CDR2: variants seen among roughly 807,000 people sequenced by gnomAD.
The protein encoded by CDR2 is cerebellar degeneration related protein 2, also known as cerebellar degeneration-related protein 2.
Under a neutral mutation model 48.4 loss-of-function variants are expected in CDR2, and 34 were observed. The ratio of observed to expected loss-of-function variants is 0.70; its 90% CI spans 0.53 to 0.94. The LOEUF is 0.94. Ranked by LOEUF, CDR2 falls within the 40% of genes least tolerant of loss-of-function variation. The pLI is 0.00. For missense variants in CDR2, 498 were observed against 549.5 expected, an observed-to-expected ratio of 0.91 and a Z score of 0.94; for synonymous variants, 240 against 219.7, an observed-to-expected ratio of 1.09 and a Z score of -0.82.
At chr16:22,359,216 C>G (rs1406659006) in intron 2 of CDR2, among the ~76,000 whole-genome samples, 1 of 152,148 alleles carries the variant, frequency 6.6e-6, no homozygotes, top group East Asian at 1.9e-4. Flanking sequence ...CAACCTCCAC[C>G]TCCCGGGTTC....
intron 1 of CDR2, among the ~76,000 whole-genome samples, chr16:22,365,895 G>A (rs2049042256): frequency 1.3e-5 from 2 of 152,172 alleles, no homozygotes; most frequent in African/African-American, 2.4e-5. Context: ...CTCAGGCCCA[G>A]TTCTATCATT....
intron 1 of CDR2, among the ~76,000 whole-genome samples, chr16:22,369,998 G>C (rs191127420): frequency 6.6e-6 from 1 of 152,234 alleles, no homozygotes; most frequent in East Asian, 1.9e-4. Flanking sequence ...TTTATTGCAG[G>C]CTTGAGAATT....
chr16:22,347,238 C>T lies in CDR2; in HGVS notation c.1092G>A (p.Leu364=), dbSNP rs568513826. The T allele has an allele frequency of 6.8e-6, 11 of 1,614,232 alleles. No individual in the cohort carries two copies. In the African/African-American group the frequency reaches 8.0e-5, roughly 12 times the overall value. ...AGTCCTGTTCCTCTTGGCACTTCTTCAGCAACTCTTCATACTTCACCTTCA... is the reference window on the plus strand; with the variant it reads ...AGTCCTGTTCCTCTTGGCACTTCTTTAGCAACTCTTCATACTTCACCTTCA... ...SALKVKYEEL[L]KKCQEEQDSL... Residue 364 remains leucine, a synonymous_variant, in exon 5 of 5, where the codon CTG becomes CTA. Transcript: ENST00000268383.
intron 3 of CDR2, 50 bp from the exon 4 acceptor site, chr16:22,349,493 G>A: frequency 6.2e-7 from 1 of 1,603,702 alleles, no homozygotes; most frequent in Non-Finnish European, 8.5e-7. Flanking sequence ...TGAATCAAGG[G>A]CAAAAGCGGT....
intron 2 of CDR2, among the ~76,000 whole-genome samples, chr16:22,360,217 T>A (rs1339825644): frequency 6.6e-6 from 1 of 152,128 alleles, no homozygotes; most frequent in African/African-American, 2.4e-5. Flanking sequence ...AAGAGTTCTC[T>A]CCTCCCCTCC....
chr16:22,371,737 G>A lies in CDR2; in HGVS notation c.79+2494C>T, dbSNP rs373769676. Among the ~76,000 whole-genome samples, 6 of 152,112 alleles carry A rather than the reference G, an allele frequency of 3.9e-5. No homozygotes were observed. The South Asian group carries it at 6.2e-4, about 16-fold the overall frequency. On this transcript the variant is annotated intron_variant, in intron 1 of 4. Transcript: ENST00000268383. The stretch of plus-strand genomic sequence containing the variant: ...TGTTGGAATTTCACATCTTCTACTC[G>A]TACTCCATATAGTTGGTTATGACAC...
At chr16:22,356,745 CTT>C (rs537838245) in intron 2 of CDR2, among the ~76,000 whole-genome samples, 1 of 151,636 alleles carries the variant, frequency 6.6e-6, no homozygotes, top group Non-Finnish European at 1.5e-5. Flanking sequence ...AAGAGCAAGA[CTT>C]TGTCTAAAAA....
At chr16:22,370,041 T>A (rs1028301970) in intron 1 of CDR2, among the ~76,000 whole-genome samples, 4 of 152,228 alleles carry the variant, frequency 2.6e-5, no homozygotes, top group African/African-American at 9.6e-5. Context: ...TGTTGAATAT[T>A]CTTTCACTAA....
chr16:22,349,319 G>C lies in CDR2; in HGVS notation c.466C>G (p.Pro156Ala), dbSNP rs147836696. 1.7e-5 allele frequency: 28 copies of C among 1,614,190 alleles called. No homozygotes were observed. The African/African-American group carries it at 3.5e-4, about 20-fold the overall frequency. ...PGKCDQEKPA[P>A]SFACLKELYD... ...AGCTCCTTCAGACATGCAAAGCTGG[G>C]TGCCGGTTTCTCCTGGTCACACTTT... is the stretch of plus-strand genomic sequence containing the variant. Residue 156 changes from proline (P) to alanine (A), a missense_variant, in exon 4 of 5, where the codon CCC becomes GCC. Pro to Ala is a conservative substitution (Grantham distance 27). Transcript: ENST00000268383.
chr16:22,352,442 C>G (rs528949668), intron 2 of CDR2, among the ~76,000 whole-genome samples: 1 of 152,012 alleles, frequency 6.6e-6, no homozygotes, highest in South Asian at 2.1e-4. Context: ...CTAACTTCAA[C>G]TTTCTCATCT....
chr16:22,355,316 C>T (rs2048968004), intron 2 of CDR2, among the ~76,000 whole-genome samples: 1 of 152,198 alleles, frequency 6.6e-6, no homozygotes, highest in South Asian at 2.1e-4. Flanking sequence ...AAGGCAAGTG[C>T]CTCCCTCCTC....
At chr16:22,371,070 G>A (rs1274486673) in intron 1 of CDR2, among the ~76,000 whole-genome samples, 1 of 152,158 alleles carries the variant, frequency 6.6e-6, no homozygotes, top group Admixed American at 6.5e-5. Flanking sequence ...AATTAGCTGG[G>A]TGTGGTGGCA....
intron 2 of CDR2, among the ~76,000 whole-genome samples, chr16:22,356,765 AAAAT>A (rs2048976603): frequency 1.3e-5 from 2 of 151,750 alleles, no homozygotes; most frequent in Non-Finnish European, 2.9e-5. Flanking sequence ...AAAATAAAAT[AAAAT>A]AAATAAAAAT....
At chr16:22,356,852 A>T (rs1276186047) in intron 2 of CDR2, among the ~76,000 whole-genome samples, 1 of 151,086 alleles carries the variant, frequency 6.6e-6, no homozygotes, top group Non-Finnish European at 1.5e-5. Flanking sequence ...GAAGCAGGAG[A>T]ATTGTTTGAA....
chr16:22,352,189 T>C lies in CDR2; in HGVS notation c.193-2340A>G, dbSNP rs565280400. Among the ~76,000 whole-genome samples, 4 of 152,262 alleles carry C rather than the reference T, an allele frequency of 2.6e-5. No homozygotes were observed. In the South Asian group the frequency reaches 6.2e-4, roughly 24 times the overall value. ...ATCTTTTGAACGTGGGAGGTGAACGTTGCAGTGAACCGAGATCGTGCCACT... is the reference window on the plus strand; with the variant it reads ...ATCTTTTGAACGTGGGAGGTGAACGCTGCAGTGAACCGAGATCGTGCCACT... On this transcript the variant is annotated intron_variant, in intron 2 of 4. Coordinates refer to ENST00000268383, the MANE Select transcript of CDR2 (RefSeq NM_001802.2).
At chr16:22,359,235 C>T (rs1292712640) in intron 2 of CDR2, among the ~76,000 whole-genome samples, 1 of 152,016 alleles carries the variant, frequency 6.6e-6, no homozygotes, top group Non-Finnish European at 1.5e-5. Flanking sequence ...TCAAGCAATT[C>T]TCTGCCTCAG....
At chr16:22,365,180 C>A in intron 1 of CDR2, 166 bp from the exon 2 acceptor site, 1 of 568,508 alleles carries the variant, frequency 1.8e-6, no homozygotes, top group Non-Finnish European at 3.1e-6. Context: ...TAAACTGACG[C>A]CTCCAGCAGG....
chr16:22,364,789 T>C (rs939338164), intron 2 of CDR2, 113 bp downstream of exon 2: 5 of 620,760 alleles, frequency 8.1e-6, no homozygotes, highest in Non-Finnish European at 1.4e-5. Context: ...AAAGTTTGTG[T>C]TAAAAAATAA....
At chr16:22,371,848 ATG>A (rs56274013) in intron 1 of CDR2, among the ~76,000 whole-genome samples, 2,870 of 148,510 alleles carry the variant, frequency 0.019, 30 homozygotes, top group East Asian at 0.07. Context: ...AGGTTCAGAT[ATG>A]TGTGTGTGTG....
Sources: allele counts gnomAD v4.1 joint callset (sites outside exome capture counted in the v4.1 genomes callset), GRCh38; gene constraint gnomAD v4.1.1; transcripts MANE v1.5; gene names NCBI Gene and HGNC (gene_info 2026-07-23, HGNC 2026-07-21).